SKOR1: variants seen among roughly 807,000 people sequenced by gnomAD.
SKOR1 encodes the protein LBX1 corepressor 1.
In SKOR1, 38 loss-of-function variants were observed where a neutral mutation model predicts 72.4. The observed-to-expected ratio is 0.52, with a 90% CI of 0.40 to 0.69. The LOEUF (loss-of-function observed/expected upper bound fraction) is 0.69. Among genes scored for constraint, SKOR1 ranks in the 30% least tolerant of loss-of-function variants. The pLI, the probability that SKOR1 is intolerant of heterozygous loss-of-function variation, is 0.00. For synonymous variants in SKOR1, 642 were observed against 599.4 expected (o/e 1.07, Z -1.04); for missense variants, 1,320 against 1,343.2 (o/e 0.98, Z 0.27).
At position 67,826,860 on chromosome 15, in the gene SKOR1, G is replaced by T. The variant is rs913020115; in HGVS notation, c.1032G>T (p.Pro344=). The change falls in exon 2 of 9, where the codon CCG becomes CCT. Residue 344 remains proline (P), a synonymous_variant. Coordinates refer to ENST00000380035, the MANE Select transcript of SKOR1 (RefSeq NM_001365915.1). ...AGPPGPPPPH[P]QRGLGLATGA... ...CTCCGGGGCCACCTCCACCCCACCCGCAGCGCGGACTTGGCCTGGCGACTG... is the reference window on the plus strand; with the variant it reads ...CTCCGGGGCCACCTCCACCCCACCCTCAGCGCGGACTTGGCCTGGCGACTG... The T allele has an allele frequency of 3.9e-6, 6 of 1,530,120 alleles. No individual in the cohort carries two copies. The Admixed American group carries it at 1.0e-4, about 25-fold the overall frequency. The allele number at this position is 1,530,120 out of a possible 1,614,324, so 94.8% of individuals were successfully genotyped here.
Position 67,826,547 on chromosome 15 carries a change from CCAA to C in SKOR1, c.721_723del (p.Asn241del), listed in dbSNP as rs749568625. 6.2e-7 allele frequency: 1 copy of C among 1,614,004 alleles called. No individual in the cohort carries two copies. The highest frequency in any genetic ancestry group is 8.5e-7 in the Non-Finnish European group (1 of 1,179,896). On this transcript the variant is annotated inframe_deletion, in exon 2 of 9. Coordinates refer to ENST00000380035, the MANE Select transcript of SKOR1 (RefSeq NM_001365915.1). ...GCCAAGTACACGCAGCCCGATGCCG[CCAA>C]CTTCAACTCCTGGCGTCGTCACCTC...
chr15:67,829,384 G>A (rs923605970), intron 3 of SKOR1, 115 bp downstream of exon 3: 4 of 889,508 alleles, frequency 4.5e-6, no homozygotes, highest in African/African-American at 1.7e-5. Context: ...AAGAGGGAGA[G>A]GGAAAGAAAA....
Position 67,833,327 on chromosome 15 carries a change from A to T in SKOR1, c.2803+70A>T. On this transcript the variant is annotated intron_variant, in intron 8 of 8. Coordinates refer to ENST00000380035, the MANE Select transcript of SKOR1 (RefSeq NM_001365915.1). This position sits in a 1 kb window ranked among gnomAD's most constrained non-coding sequence, Gnocchi z 6.0. ...GCCGTGCTGTCGACTGAATGAATGA[A>T]TAGTGGGACTAGTGAGGAAGGCCAC... 1 of 1,494,508 alleles carries T rather than the reference A, an allele frequency of 6.7e-7. No homozygotes were observed. Among genetic ancestry groups the T allele is most frequent in the Non-Finnish European group, 9.3e-7 (1 of 1,074,716 alleles). 92.6% of individuals were successfully genotyped at this position (1,494,508 alleles called of 1,614,324 possible). A position where few individuals can be genotyped will look rare whatever the true frequency, so the allele number is the denominator to read the frequency against.
intron 4 of SKOR1, 80 bp downstream of exon 4, chr15:67,830,378 C>G: frequency 8.3e-7 from 1 of 1,206,976 alleles, no homozygotes; most frequent in Admixed American, 1.9e-5. Flanking sequence ...CAGAGGCTTG[C>G]GAGAAAGGCT....
At position 67,826,398 on chromosome 15, in the gene SKOR1, C is replaced by T. The variant is rs2090958692; in HGVS notation, c.570C>T (p.Gly190=). Residue 190 remains glycine (G), a synonymous_variant, in exon 2 of 9, where the codon GGC becomes GGT. Transcript: ENST00000380035. ...ATGTGGTGCACGAGTGCGCGTGGGG[C>T]TCGCGTGGTAGCTTCATCCCTGCGC... The part of the protein sequence containing the change: ...AFDVVHECAW[G]SRGSFIPARY... The T allele has an allele frequency of 1.9e-6, 3 of 1,613,946 alleles. No homozygotes were observed. The highest frequency in any genetic ancestry group is 2.2e-5 in the East Asian group (1 of 44,882).
Position 67,832,482 on chromosome 15 carries a change from C to T in SKOR1, c.2663-125C>T, listed in dbSNP as rs2091015770. The stretch of plus-strand genomic sequence containing the variant: ...CAGGAGACAAGAAACTGTCCTTTTC[C>T]AGGGCTGCAGGCGAATGGCTGGGTG... On this transcript the variant is annotated intron_variant, in intron 6 of 8. Coordinates refer to ENST00000380035, the MANE Select transcript of SKOR1 (RefSeq NM_001365915.1). The surrounding 1 kb of genome is among the most constrained non-coding windows in gnomAD (Gnocchi z 4.5). The T allele has an allele frequency of 1.5e-6, 2 of 1,315,072 alleles. No homozygotes were observed. The highest frequency in any genetic ancestry group is 1.1e-6 in the Non-Finnish European group (1 of 926,166). 81.5% of individuals were successfully genotyped at this position (1,315,072 alleles called of 1,614,324 possible).
At chr15:67,829,866 C>A (rs1028622946) in intron 3 of SKOR1, among the ~76,000 whole-genome samples, 3 of 152,264 alleles carry the variant, frequency 2.0e-5, no homozygotes, top group Non-Finnish European at 4.4e-5. Flanking sequence ...GTCGGGCGGA[C>A]AGACCCGGCG....
intron 5 of SKOR1, among the ~76,000 whole-genome samples, chr15:67,831,901 T>TGCCGGGGGGGGGGG (rs1456064073): frequency 1.4e-4 from 1 of 7,054 alleles, no homozygotes; most frequent in African/African-American, 4.3e-4. Context: ...AGGGCGGCGG[T>TGCCGGGGGGGGGGG]GCGGGGGGGG....
At chr15:67,830,091 G>A (rs2090997024) in intron 3 of SKOR1, 100 bp from the exon 4 acceptor site, 3 of 1,232,682 alleles carry the variant, frequency 2.4e-6, no homozygotes, top group South Asian at 1.3e-5. Context: ...CGGCCACGAC[G>A]CTTTTAATTA....
chr15:67,832,572 G>A lies in SKOR1; in HGVS notation c.2663-35G>A, dbSNP rs1187819719. The A allele has an allele frequency of 6.3e-7, 1 of 1,587,380 alleles. No homozygotes were observed. Among genetic ancestry groups the A allele is most frequent in the Non-Finnish European group, 8.6e-7 (1 of 1,156,890 alleles). On this transcript the variant is annotated intron_variant, in intron 6 of 8. Transcript: ENST00000380035. This position sits in a 1 kb window ranked among gnomAD's most constrained non-coding sequence, Gnocchi z 4.5. The stretch of plus-strand genomic sequence containing the variant: ...GAAAGTGGAGCCGGGAGAGGGGGCT[G>A]TGCGTAACAGCTCTCACTTAATCAA...
Position 67,825,591 on chromosome 15 carries a change from C to T in SKOR1, c.-12C>T. On this transcript the variant is annotated 5_prime_UTR_variant, in exon 1 of 9. Transcript: ENST00000380035. This position sits in a 1 kb window ranked among gnomAD's most constrained non-coding sequence, Gnocchi z 5.6. ...GCACGGATCTGGGCGCTGAAAAAGC[C>T]AGGATTTGGCAATGGCTTTGCTGTG... 1.4e-6 allele frequency: 1 copy of T among 725,248 alleles called. No homozygotes were observed. Among genetic ancestry groups the T allele is most frequent in the Non-Finnish European group, 2.6e-6 (1 of 389,206 alleles). The allele number at this position is 725,248 out of a possible 1,614,324, so 44.9% of individuals were successfully genotyped here.
At position 67,830,195 on chromosome 15, in the gene SKOR1, A is replaced by G; in HGVS notation, c.2412A>G (p.Pro804=). Residue 804 remains proline (P), a synonymous_variant, in exon 4 of 9, where the codon CCA becomes CCG. Coordinates refer to ENST00000380035, the MANE Select transcript of SKOR1 (RefSeq NM_001365915.1). ...ATTCGGTTTGTTGCCTTCAAGAGCC[A>G]GATAAGGAAGACAATCACTCGCCCG... ...SYVCTPEAHE[P]DKEDNHSPAD... 6.2e-7 allele frequency: 1 copy of G among 1,614,130 alleles called. No homozygotes were observed. Among genetic ancestry groups the G allele is most frequent in the Non-Finnish European group, 8.5e-7 (1 of 1,180,000 alleles).
rs2090975008 is a variant in SKOR1, at chr15:67,827,726, A to G, written c.1898A>G (p.Tyr633Cys). ...GGACCCGGCGCTGGGAGCGGCGGCT[A>G]CGTGAGCCCGGACTTTCTGAGCGAG... ...GPGPGAGSGG[Y>C]VSPDFLSEGS... The change falls in exon 2 of 9, where the codon TAC becomes TGC. Residue 633 changes from tyrosine to cysteine, a missense_variant. Coordinates refer to ENST00000380035, the MANE Select transcript of SKOR1 (RefSeq NM_001365915.1). The G allele has an allele frequency of 1.3e-6, 2 of 1,544,890 alleles. No homozygotes were observed. The highest frequency in any genetic ancestry group is 1.4e-5 in the African/African-American group (1 of 72,970).
chr15:67,833,953 C>A lies in SKOR1; in HGVS notation c.*117C>A. On this transcript the variant is annotated 3_prime_UTR_variant, in exon 9 of 9. Transcript: ENST00000380035. This position sits in a 1 kb window ranked among gnomAD's most constrained non-coding sequence, Gnocchi z 6.0. ...TCGGACCCGACCGATGTAAATACAG[C>A]CGCCCGTCCGCCCGCCTTCCTCCCG... 2 of 1,087,146 alleles carry A rather than the reference C, an allele frequency of 1.8e-6. No individual in the cohort carries two copies. The highest frequency in any genetic ancestry group is 2.7e-6 in the Non-Finnish European group (2 of 733,956). 67.3% of individuals were successfully genotyped at this position (1,087,146 alleles called of 1,614,324 possible).
At position 67,834,260 on chromosome 15, in the gene SKOR1, A is replaced by C; in HGVS notation, c.*424A>C. On this transcript the variant is annotated 3_prime_UTR_variant, in exon 9 of 9. Coordinates refer to ENST00000380035, the MANE Select transcript of SKOR1 (RefSeq NM_001365915.1). The surrounding 1 kb of genome is among the most constrained non-coding windows in gnomAD (Gnocchi z 5.8). The stretch of plus-strand genomic sequence containing the variant: ...ACTTCTGAAACTCCTGTTCCTAATG[A>C]CAAAGTGGCTATGTGCAATGGATAT... 3.8e-6 allele frequency: 1 copy of C among 265,138 alleles called. No homozygotes were observed. Among genetic ancestry groups the C allele is most frequent in the Non-Finnish European group, 7.6e-6 (1 of 132,272 alleles). The allele number at this position is 265,138 out of a possible 1,614,324, so 16.4% of individuals were successfully genotyped here.
At chr15:67,828,222 A>G in intron 2 of SKOR1, 78 bp downstream of exon 2, 1 of 1,359,578 alleles carries the variant, frequency 7.4e-7, no homozygotes, top group African/African-American at 1.5e-5. Flanking sequence ...CCGGGCGGAG[A>G]ACGGGAATTT....
At chr15:67,830,978 G>T in intron 5 of SKOR1, 89 bp downstream of exon 5, 1 of 1,355,862 alleles carries the variant, frequency 7.4e-7, no homozygotes, top group South Asian at 1.2e-5. Context: ...TAGGGGGTGA[G>T]TGTGGAAAAG....
Position 67,832,806 on chromosome 15 carries a change from A to C in SKOR1, c.2737+125A>C. ...TAATTTAACAATTATTTTTTTATTT[A>C]ATATGCTTTGTATACTCTGATTAGC... On this transcript the variant is annotated intron_variant, in intron 7 of 8. Coordinates refer to ENST00000380035, the MANE Select transcript of SKOR1 (RefSeq NM_001365915.1). This position sits in a 1 kb window ranked among gnomAD's most constrained non-coding sequence, Gnocchi z 4.5. The C allele has an allele frequency of 1.2e-6, 1 of 815,172 alleles. No homozygotes were observed. Among genetic ancestry groups the C allele is most frequent in the Non-Finnish European group, 2.0e-6 (1 of 506,368 alleles). The allele number at this position is 815,172 out of a possible 1,614,324, so 50.5% of individuals were successfully genotyped here.
At position 67,825,939 on chromosome 15, in the gene SKOR1, C is replaced by G; in HGVS notation, c.111C>G (p.Ser37Arg). 5.3e-6 allele frequency: 8 copies of G among 1,514,190 alleles called. No individual in the cohort carries two copies. In the South Asian group the frequency reaches 1.1e-4, roughly 20 times the overall value. 93.8% of individuals were successfully genotyped at this position (1,514,190 alleles called of 1,614,324 possible). A position where few individuals can be genotyped will look rare whatever the true frequency, so the allele number is the denominator to read the frequency against. Residue 37 changes from serine (S) to arginine (R), a missense_variant, in exon 2 of 9, where the codon AGC becomes AGG. By Grantham distance (110) the Ser-to-Arg change is moderately radical. Coordinates refer to ENST00000380035, the MANE Select transcript of SKOR1 (RefSeq NM_001365915.1). This position sits in a 1 kb window ranked among gnomAD's most constrained non-coding sequence, Gnocchi z 5.6. ...CTCTGCTTTCTCTATTTCGCAGGAG[C>G]GGCGGCATGGAGGCTCTCACCACTC... ...GFLAARAFLR[S>R]GGMEALTTQL...
Sources: gnomAD v4.1 joint callset for allele counts (sites outside exome capture counted in the v4.1 genomes callset) on GRCh38, gnomAD v4.1.1 for gene constraint, Gnocchi (gnomAD v3.1) non-coding constraint, MANE v1.5 for transcripts, NCBI Gene and HGNC (gene_info 2026-07-23, HGNC 2026-07-21) for gene names.